Variants in ZFYVE21 observed in about 807,000 individuals in gnomAD.
The protein encoded by ZFYVE21 is zinc finger FYVE domain-containing protein 21.
A neutral mutation model predicts 29.5 loss-of-function variants in ZFYVE21; 21 were observed. The observed-to-expected ratio is 0.71, with a 90% CI of 0.50 to 1.02. The LOEUF is 1.02. Ranked by LOEUF, ZFYVE21 falls within the 50% of genes least tolerant of loss-of-function variation. The pLI is 0.00. For synonymous variants in ZFYVE21, 151 were observed against 133.8 expected, an observed-to-expected ratio of 1.13 and a Z score of -0.89; for missense variants, 326 against 335.4, an observed-to-expected ratio of 0.97 and a Z score of 0.22.
At chr14:103,723,358 C>T (rs74085272) in intron 1 of ZFYVE21, among the ~76,000 whole-genome samples, 2,007 of 152,250 alleles carry the variant, frequency 0.013, 31 homozygotes, top group African/African-American at 0.037. Flanking sequence ...ACAATCAGGG[C>T]GGGGAACAGC....
chr14:103,731,408 T>G (rs1211962972), intron 5 of ZFYVE21: 1 of 147,308 alleles, frequency 6.8e-6, no homozygotes, highest in African/African-American at 2.5e-5. Flanking sequence ...GAAACCAGCC[T>G]GACCATCATG....
At chr14:103,728,644 C>G (rs2083949688) in intron 3 of ZFYVE21, 1 of 436,838 alleles carries the variant, frequency 2.3e-6, no homozygotes, top group Non-Finnish European at 4.1e-6. Flanking sequence ...TTCCCTGCAT[C>G]GTTTGAAGGA....
chr14:103,729,800 C>G, intron 5 of ZFYVE21: 1 of 1,536,502 alleles, frequency 6.5e-7, no homozygotes, highest in Non-Finnish European at 8.7e-7. Flanking sequence ...TAGAAAAAGA[C>G]ATTCACGCTT....
At chr14:103,726,717 G>T in intron 1 of ZFYVE21, 75 bp from the exon 2 acceptor site, 1 of 1,582,940 alleles carries the variant, frequency 6.3e-7, no homozygotes, top group Non-Finnish European at 8.7e-7. Flanking sequence ...AGCTTTCTCA[G>T]CAGCCCGTGG....
In ZFYVE21 at chr14:103,727,597, G is replaced by A. The variant is rs749576893; in HGVS notation, c.190-149G>A. ...CCGCTGCGTGGTGGGGAGCCCAGGG[G>A]CTGGCGACAGGAGGTGCGCGTGTGC... On this transcript the variant is annotated intron_variant, in intron 2 of 6. Coordinates refer to ENST00000311141, the MANE Select transcript of ZFYVE21 (RefSeq NM_024071.4). 5.1e-6 allele frequency: 5 copies of A among 987,964 alleles called. No individual in the cohort carries two copies. In the African/African-American group the frequency reaches 8.0e-5, roughly 16 times the overall value. 61.2% of individuals were successfully genotyped at this position (987,964 alleles called of 1,614,324 possible).
intron 1 of ZFYVE21, among the ~76,000 whole-genome samples, chr14:103,718,688 C>T (rs1204151755): frequency 2.0e-5 from 3 of 152,310 alleles, no homozygotes; most frequent in South Asian, 2.1e-4. Flanking sequence ...TCCGGGCGTG[C>T]AGCCATCTGG....
Position 103,726,785 on chromosome 14 carries a change from T to C in ZFYVE21, c.139-7T>C. 2 of 1,613,994 alleles carry C rather than the reference T, an allele frequency of 1.2e-6. No individual in the cohort carries two copies. Among genetic ancestry groups the C allele is most frequent in the Non-Finnish European group, 1.7e-6 (2 of 1,179,920 alleles). On this transcript the variant is annotated splice_region_variant and splice_polypyrimidine_tract_variant and intron_variant, in intron 1 of 6. Coordinates refer to ENST00000311141, the MANE Select transcript of ZFYVE21 (RefSeq NM_024071.4). Reference sequence around the variant, plus strand: ...TGCGTTTTAACGCTTTGTCGTGTCTTTCCTAGTGTCGGAGATGTATGCAGT... The same window carrying C: ...TGCGTTTTAACGCTTTGTCGTGTCTCTCCTAGTGTCGGAGATGTATGCAGT...
chr14:103,733,026 T>TG lies in ZFYVE21; in HGVS notation c.*12dup. ...GAATCTCGGGACCAGTAACTCTACG[T>TG]GGGGCTGAGCTTGGAGTACGTGTGG... On this transcript the variant is annotated 3_prime_UTR_variant, in exon 7 of 7. Transcript: ENST00000311141. 6.2e-7 allele frequency: 1 copy of TG among 1,614,086 alleles called. No homozygotes were observed. Among genetic ancestry groups the TG allele is most frequent in the African/African-American group, 1.3e-5 (1 of 75,034 alleles).
rs116959163 is a variant in ZFYVE21, at chr14:103,728,626, G to T, written c.359-282G>T. ...TTATTGTTCTTTGATCTGGACCTTGGTGATGAATTCCCTGCATCGTTTGAA... is the reference window on the plus strand; with the variant it reads ...TTATTGTTCTTTGATCTGGACCTTGTTGATGAATTCCCTGCATCGTTTGAA... On this transcript the variant is annotated intron_variant, in intron 3 of 6. Transcript: ENST00000311141. Among the ~76,000 whole-genome samples the T allele has an allele frequency of 1.1e-4, 16 of 152,222 alleles. No homozygotes were observed. In the East Asian group the frequency reaches 3.1e-3, roughly 29 times the overall value.
chr14:103,718,586 TGAAG>T (rs1381669074), intron 1 of ZFYVE21, among the ~76,000 whole-genome samples: 13 of 152,090 alleles, frequency 8.5e-5, no homozygotes, highest in Admixed American at 8.5e-4. Context: ...TTTGGGGGTG[TGAAG>T]GAAGCTTCAG....
rs974139563 is a variant in ZFYVE21, at chr14:103,715,873, C to T, written c.32C>T (p.Ala11Val). Residue 11 changes from alanine to valine, a missense_variant, in exon 1 of 7, where the codon GCC (alanine) becomes GTC (valine). Coordinates refer to ENST00000311141, the MANE Select transcript of ZFYVE21 (RefSeq NM_024071.4). ...TCCGAGGTGTCCGCGCGCCGCGACGCCAAGAAGCTGGTGCGCTCCCCGAGC... is the reference window on the plus strand; with the variant it reads ...TCCGAGGTGTCCGCGCGCCGCGACGTCAAGAAGCTGGTGCGCTCCCCGAGC... MSSEVSARRD[A>V]KKLVRSPSGL... The T allele has an allele frequency of 2.1e-6, 3 of 1,432,508 alleles. No individual in the cohort carries two copies. Among genetic ancestry groups the T allele is most frequent in the Non-Finnish European group, 9.2e-7 (1 of 1,087,958 alleles). 88.7% of individuals were successfully genotyped at this position (1,432,508 alleles called of 1,614,324 possible). A position where few individuals can be genotyped will look rare whatever the true frequency, so the allele number is the denominator to read the frequency against.
Position 103,729,249 on chromosome 14 carries a change from CA to C in ZFYVE21, c.526+68del. The stretch of plus-strand genomic sequence containing the variant: ...TGCCATGCGTGGGTGACAAGAGGAG[CA>C]TGCACTTTTGGGATCAGGCAGCTGC... On this transcript the variant is annotated intron_variant, in intron 5 of 6. Coordinates refer to ENST00000311141, the MANE Select transcript of ZFYVE21 (RefSeq NM_024071.4). 6 of 1,549,820 alleles carry C rather than the reference CA, an allele frequency of 3.9e-6. No individual in the cohort carries two copies. In the South Asian group the frequency reaches 6.8e-5, roughly 18 times the overall value.
At chr14:103,729,400 G>A in intron 5 of ZFYVE21, 1 of 585,190 alleles carries the variant, frequency 1.7e-6, no homozygotes, top group South Asian at 2.1e-5. Flanking sequence ...AGACAACAAA[G>A]GGACATTTGC....
Position 103,716,782 on chromosome 14 carries a change from G to C in ZFYVE21, c.138+803G>C, listed in dbSNP as rs2151949664. On this transcript the variant is annotated intron_variant, in intron 1 of 6. Transcript: ENST00000311141. The surrounding 1 kb of genome is among the most constrained non-coding windows in gnomAD (Gnocchi z 4.8). ...CGTGGGGTTCCCTGTGACCTGATCG[G>C]AGGTGCCTTTGCCTCACACCAGCCC... is the stretch of plus-strand genomic sequence containing the variant. 6.6e-6 allele frequency among the ~76,000 whole-genome samples: 1 copy of C among 152,300 alleles called. No homozygotes were observed. The highest frequency in any genetic ancestry group is 2.4e-5 in the African/African-American group (1 of 41,568).
chr14:103,727,946 G>A (rs569705517), intron 3 of ZFYVE21, 32 bp downstream of exon 3: 17 of 1,570,220 alleles, frequency 1.1e-5, no homozygotes, highest in Non-Finnish European at 1.5e-5. Flanking sequence ...AGTCCCGCGC[G>A]CTCCGCCAGC....
rs574536937 is a variant in ZFYVE21 at position 103,729,029 on chromosome 14, CG to C, written c.434+49del. ...GGCACGGGGCAGCATTGTCACAGAC[CG>C]GGAGCCTCGGTGGCACTGAGCCTGA... is the stretch of plus-strand genomic sequence containing the variant. On this transcript the variant is annotated intron_variant, in intron 4 of 6. Transcript: ENST00000311141. 1.4e-5 allele frequency: 23 copies of C among 1,613,470 alleles called. No individual in the cohort carries two copies. In the African/African-American group the frequency reaches 2.4e-4, roughly 17 times the overall value.
At chr14:103,718,516 G>T (rs1359905246) in intron 1 of ZFYVE21, among the ~76,000 whole-genome samples, 1 of 152,238 alleles carries the variant, frequency 6.6e-6, no homozygotes, top group Non-Finnish European at 1.5e-5. Flanking sequence ...GAACCTGTGG[G>T]GCAGGGGAGG....
At position 103,732,660 on chromosome 14, in the gene ZFYVE21, A is replaced by G. The variant is rs557008965; in HGVS notation, c.567A>G (p.Thr189=). The change falls in exon 6 of 7, where the codon ACA becomes ACG. Residue 189 remains threonine, a synonymous_variant. Coordinates refer to ENST00000311141, the MANE Select transcript of ZFYVE21 (RefSeq NM_024071.4). Reference sequence around the variant, plus strand: ...CCACAGGCATGTTCCTGCAGTATACAGTGCCGGGGACGGAGGGTGTGACCC... The same window carrying G: ...CCACAGGCATGTTCCTGCAGTATACGGTGCCGGGGACGGAGGGTGTGACCC... ...ARATGMFLQY[T]VPGTEGVTQL... 5 of 1,610,432 alleles carry G rather than the reference A, an allele frequency of 3.1e-6. No homozygotes were observed. The South Asian group carries it at 3.3e-5, about 11-fold the overall frequency.
intron 1 of ZFYVE21, among the ~76,000 whole-genome samples, chr14:103,723,787 T>C (rs1237258443): frequency 6.6e-6 from 1 of 152,234 alleles, no homozygotes; most frequent in Non-Finnish European, 1.5e-5. Flanking sequence ...CTAAGCACAG[T>C]GGGCACTTGG....
Sources: gnomAD v4.1 joint callset for allele counts (sites outside exome capture counted in the v4.1 genomes callset) on GRCh38, gnomAD v4.1.1 for gene constraint, Gnocchi (gnomAD v3.1) non-coding constraint, MANE v1.5 for transcripts, NCBI Gene and HGNC (gene_info 2026-07-23, HGNC 2026-07-21) for gene names.